ADK: variants seen among roughly 807,000 people sequenced by gnomAD.
The protein encoded by ADK is N6,N6-dimethyladenosine kinase.
A neutral mutation model predicts 44.7 loss-of-function variants in ADK; 24 were observed. The ratio of observed to expected loss-of-function variants is 0.54; its 90% CI spans 0.39 to 0.76. The LOEUF (loss-of-function observed/expected upper bound fraction) is 0.76. Ranked by LOEUF, ADK falls within the 30% of genes least tolerant of loss-of-function variation. The pLI is 0.00. For missense variants in ADK, 321 were observed against 425.1 expected, an observed-to-expected ratio of 0.76 and a Z score of 2.15; for synonymous variants, 128 against 142.6, an observed-to-expected ratio of 0.90 and a Z score of 0.73.
At chr10:74,392,639 G>C (rs187916884) in intron 4 of ADK, among the ~76,000 whole-genome samples, 1 of 152,138 alleles carries the variant, frequency 6.6e-6, no homozygotes, top group East Asian at 1.9e-4. Context: ...AGTTAAGCTT[G>C]ATATAATCAC....
At chr10:74,165,378 A>G (rs779318179) in intron 1 of ADK, among the ~76,000 whole-genome samples, 4 of 152,084 alleles carry the variant, frequency 2.6e-5, no homozygotes, top group Admixed American at 1.3e-4. Context: ...GCTACTAAGT[A>G]TCCAAGGTGA....
intron 3 of ADK, among the ~76,000 whole-genome samples, chr10:74,293,840 CA>C (rs1839715455): frequency 1.3e-5 from 2 of 152,076 alleles, no homozygotes; most frequent in Non-Finnish European, 2.9e-5. Context: ...CATAAGTGTA[CA>C]GCTGAAAGAA....
At chr10:74,306,958 A>G (rs1840273401) in intron 3 of ADK, among the ~76,000 whole-genome samples, 1 of 152,200 alleles carries the variant, frequency 6.6e-6, no homozygotes, top group Admixed American at 6.5e-5. Context: ...TCAGTTTCCA[A>G]TGTTACTACT....
intron 6 of ADK, among the ~76,000 whole-genome samples, chr10:74,511,345 G>A (rs73272302): frequency 0.025 from 3,753 of 152,018 alleles, 141 homozygotes; most frequent in African/African-American, 0.074. Flanking sequence ...AGCTATTCAG[G>A]GTTTTCTATG....
chr10:74,517,524 A>G (rs921257616), intron 6 of ADK, among the ~76,000 whole-genome samples: 7 of 151,970 alleles, frequency 4.6e-5, no homozygotes, highest in Non-Finnish European at 7.4e-5. Context: ...TCCTGTTTCT[A>G]CTAAAAATAC....
intron 4 of ADK, among the ~76,000 whole-genome samples, chr10:74,357,540 A>G (rs1010537986): frequency 6.6e-6 from 1 of 150,932 alleles, no homozygotes; most frequent in Non-Finnish European, 1.5e-5. Flanking sequence ...GGCTCAAGCA[A>G]TCCACCCACC....
intron 3 of ADK, among the ~76,000 whole-genome samples, chr10:74,303,976 A>G (rs995955260): frequency 6.6e-6 from 1 of 152,092 alleles, no homozygotes; most frequent in Non-Finnish European, 1.5e-5. Context: ...GTCTCAAAAA[A>G]AAAAAAAGGT....
chr10:74,283,634 C>CTT (rs1222253796), intron 3 of ADK, among the ~76,000 whole-genome samples: 9 of 118,834 alleles, frequency 7.6e-5, no homozygotes, highest in South Asian at 2.8e-4. Flanking sequence ...TCATCTTCAT[C>CTT]TTTTTTTTTT....
At chr10:74,677,662 G>A (rs113481482) in intron 10 of ADK, among the ~76,000 whole-genome samples, 1 of 152,064 alleles carries the variant, frequency 6.6e-6, no homozygotes, top group Non-Finnish European at 1.5e-5. Flanking sequence ...CATCTGCTGA[G>A]GATTTACTTG....
intron 7 of ADK, among the ~76,000 whole-genome samples, chr10:74,580,693 C>G (rs148756233): frequency 0.013 from 1,923 of 152,174 alleles, 22 homozygotes; most frequent in Non-Finnish European, 0.022. Flanking sequence ...CTTCCCCAGC[C>G]ACATGGAACT....
chr10:74,483,558 G>T (rs1847152470), intron 6 of ADK, among the ~76,000 whole-genome samples: 1 of 152,140 alleles, frequency 6.6e-6, no homozygotes, highest in Non-Finnish European at 1.5e-5. Flanking sequence ...CACACGGTCA[G>T]GCTGTACATT....
At chr10:74,653,113 A>G (rs550105185) in intron 9 of ADK, among the ~76,000 whole-genome samples, 109 of 152,148 alleles carry the variant, frequency 7.2e-4, no homozygotes, top group African/African-American at 2.5e-3. Context: ...AACCTCAGAG[A>G]TGTCTGGCTA....
At chr10:74,211,036 CA>C (rs1843793151) in intron 2 of ADK, among the ~76,000 whole-genome samples, 1 of 152,126 alleles carries the variant, frequency 6.6e-6, no homozygotes, top group African/African-American at 2.4e-5. Context: ...AGGCATGTGC[CA>C]CCATGCCTGG....
At chr10:74,569,281 G>A (rs1850833888) in intron 7 of ADK, among the ~76,000 whole-genome samples, 1 of 152,058 alleles carries the variant, frequency 6.6e-6, no homozygotes, top group African/African-American at 2.4e-5. Context: ...TAATCCCTTG[G>A]GTATATACCC....
At chr10:74,245,533 C>T (rs1255402846) in intron 3 of ADK, among the ~76,000 whole-genome samples, 1 of 151,402 alleles carries the variant, frequency 6.6e-6, no homozygotes, top group Non-Finnish European at 1.5e-5. Flanking sequence ...TTTTGTCATG[C>T]CAAGTATTGA....
At chr10:74,302,090 G>GGTTTTTTTTTTT (rs1840055915) in intron 3 of ADK, among the ~76,000 whole-genome samples, 1 of 17,032 alleles carries the variant, frequency 5.9e-5, no homozygotes, top group African/African-American at 2.6e-4. Flanking sequence ...TTTCTTTTCT[G>GGTTTTTTTTTTT]TTTTTTTTTT....
At chr10:74,282,043 G>A (rs994097714) in intron 3 of ADK, among the ~76,000 whole-genome samples, 2 of 152,056 alleles carry the variant, frequency 1.3e-5, no homozygotes, top group Non-Finnish European at 2.9e-5. Flanking sequence ...GACTTTTCTT[G>A]CAAAAGCTTA....
intron 6 of ADK, among the ~76,000 whole-genome samples, chr10:74,456,471 G>A (rs1286810818): frequency 1.3e-5 from 2 of 151,824 alleles, no homozygotes; most frequent in African/African-American, 4.8e-5. Context: ...TCAGGAGATC[G>A]AGACCATCCT....
chr10:74,173,240 G>A (rs541521455), intron 1 of ADK, among the ~76,000 whole-genome samples: 28 of 150,966 alleles, frequency 1.9e-4, no homozygotes, highest in African/African-American at 6.6e-4. Context: ...ACAGGCACCC[G>A]CCACCACGCC....
Sources: gnomAD v4.1 joint callset for allele counts (sites outside exome capture counted in the v4.1 genomes callset) on GRCh38, gnomAD v4.1.1 for gene constraint, MANE v1.5 for transcripts, NCBI Gene and HGNC (gene_info 2026-07-23, HGNC 2026-07-21) for gene names.